The following MAPKBP1 variants were observed in gnomAD, a reference collection of about 807,000 sequenced individuals.
MAPKBP1 encodes mitogen-activated protein kinase binding protein 1.
A neutral mutation model predicts 170.5 loss-of-function variants in MAPKBP1; 71 were observed. That is an observed-to-expected ratio of 0.42 (90% CI 0.34 to 0.51). The LOEUF (loss-of-function observed/expected upper bound fraction) is 0.51, where lower values mean the gene tolerates loss of function less well. Among genes scored for constraint, MAPKBP1 ranks in the 20% least tolerant of loss-of-function variants. The pLI is 0.06. For missense variants in MAPKBP1, 1,598 were observed against 1,933.0 expected, an observed-to-expected ratio of 0.83 and a Z score of 3.25; for synonymous variants, 719 against 757.9, an observed-to-expected ratio of 0.95 and a Z score of 0.84.
chr15:41,788,643 C>T (rs2064341728), intron 2 of MAPKBP1, among the ~76,000 whole-genome samples: 1 of 152,150 alleles, frequency 6.6e-6, no homozygotes. Context: ...AGCTATAAAG[C>T]CCCAAGGCTT....
intron 2 of MAPKBP1, among the ~76,000 whole-genome samples, chr15:41,798,249 CAAA>C (rs1241108889): frequency 1.1e-4 from 6 of 56,948 alleles, no homozygotes; most frequent in Non-Finnish European, 9.5e-5. Flanking sequence ...GACTCTGTCT[CAAA>C]AAAAAAAAAA....
chr15:41,795,133 C>G (rs1176179899), intron 2 of MAPKBP1, among the ~76,000 whole-genome samples: 1 of 149,018 alleles, frequency 6.7e-6, no homozygotes, highest in African/African-American at 2.5e-5. Flanking sequence ...CCACTGCACT[C>G]CAGCCTGGGT....
intron 2 of MAPKBP1, among the ~76,000 whole-genome samples, chr15:41,780,927 T>G (rs561506555): frequency 6.6e-6 from 1 of 152,322 alleles, no homozygotes; most frequent in East Asian, 1.9e-4. Flanking sequence ...GCTTCTTCAT[T>G]GGTCACATTA....
Position 41,814,704 on chromosome 15 carries a change from G to T in MAPKBP1, c.1135G>T (p.Ala379Ser), listed in dbSNP as rs1184934365. 6.2e-7 allele frequency: 1 copy of T among 1,614,234 alleles called. No individual in the cohort carries two copies. The highest frequency in any genetic ancestry group is 1.7e-5 in the Admixed American group (1 of 60,026). ...CAAGAAAGTGGGCAAGGTGTACTCG[G>T]CTCTGTATCATTCTTCCTGCGTCTG... is the stretch of plus-strand genomic sequence containing the variant. ...DPKKVGKVYS[A>S]LYHSSCVWSV... Residue 379 changes from alanine to serine, a missense_variant, in exon 10 of 31, where the codon GCT (alanine) becomes TCT (serine). This residue lies in a region of MAPKBP1 where 430 missense variants were observed against 617.2 expected (regional missense o/e 0.70). Coordinates refer to ENST00000457542, the MANE Select transcript of MAPKBP1 (RefSeq NM_014994.3).
chr15:41,775,648 T>C (rs951840475), intron 2 of MAPKBP1, among the ~76,000 whole-genome samples: 29 of 152,368 alleles, frequency 1.9e-4, no homozygotes, highest in African/African-American at 6.7e-4. Context: ...CACTATACAC[T>C]AAGCATGTGC....
chr15:41,809,019 T>C (rs2064755588), intron 3 of MAPKBP1, among the ~76,000 whole-genome samples: 1 of 138,606 alleles, frequency 7.2e-6, no homozygotes. Flanking sequence ...GGAGCTGTGA[T>C]GGTGCCATGG....
chr15:41,817,514 C>T lies in MAPKBP1; in HGVS notation c.1782+56C>T. ...GGGACAGGGCGGGGTCTGCCATTCCCTGCCTAAGGTTACAAGAGGTGAAGG... is the reference window on the plus strand; with the variant it reads ...GGGACAGGGCGGGGTCTGCCATTCCTTGCCTAAGGTTACAAGAGGTGAAGG... On this transcript the variant is annotated intron_variant, in intron 15 of 30. Transcript: ENST00000457542. This position sits in a 1 kb window ranked among gnomAD's most constrained non-coding sequence, Gnocchi z 4.2. 1.2e-6 allele frequency: 2 copies of T among 1,613,850 alleles called. No homozygotes were observed. Among genetic ancestry groups the T allele is most frequent in the Non-Finnish European group, 1.7e-6 (2 of 1,179,792 alleles).
At position 41,814,472 on chromosome 15, in the gene MAPKBP1, A is replaced by G. The variant is rs867774805; in HGVS notation, c.981-78A>G. 8.3e-6 allele frequency: 12 copies of G among 1,438,828 alleles called. No individual in the cohort carries two copies. In the Middle Eastern group the frequency reaches 1.6e-3, roughly 187 times the overall value. The allele number at this position is 1,438,828 out of a possible 1,614,324, so 89.1% of individuals were successfully genotyped here. ...CAGGTCCAGGGAGGGCTCCTCACACACTGCTCCTTCCATTGTGGATTGGCT... is the reference window on the plus strand; with the variant it reads ...CAGGTCCAGGGAGGGCTCCTCACACGCTGCTCCTTCCATTGTGGATTGGCT... On this transcript the variant is annotated intron_variant, in intron 9 of 30. Coordinates refer to ENST00000457542, the MANE Select transcript of MAPKBP1 (RefSeq NM_014994.3).
Position 41,824,018 on chromosome 15 carries a change from C to T in MAPKBP1, c.4170C>T (p.Pro1390=). The T allele has an allele frequency of 6.2e-7, 1 of 1,611,002 alleles. No homozygotes were observed. The highest frequency in any genetic ancestry group is 8.5e-7 in the Non-Finnish European group (1 of 1,179,930). ...CACCCCCTGAGAAGACTCCCAACCC[C>T]ATGGAATGCACCAAGCCAGGGGCAG... ...QPPPPEKTPN[P]MECTKPGAAL... The change falls in exon 29 of 31, where the codon CCC becomes CCT. Residue 1390 remains proline (P), a synonymous_variant. Coordinates refer to ENST00000457542, the MANE Select transcript of MAPKBP1 (RefSeq NM_014994.3).
chr15:41,797,695 T>G (rs1266568412), intron 2 of MAPKBP1, among the ~76,000 whole-genome samples: 1 of 152,182 alleles, frequency 6.6e-6, no homozygotes, highest in Non-Finnish European at 1.5e-5. Context: ...GTGCCTCAGA[T>G]CGGCGCAAGG....
At position 41,816,912 on chromosome 15, in the gene MAPKBP1, C is replaced by G; in HGVS notation, c.1588C>G (p.Leu530Val). ...TGATGGAGTTCTTTCATCCCCAGGT[C>G]TGAAACTGCTAGCATCGGCGAGCCG... ...CLEYSKPDTG[L>V]KLLASASRDR... Residue 530 changes from leucine (L) to valine (V), a missense_variant and splice_region_variant, in exon 14 of 31, where the codon CTG (leucine) becomes GTG (valine). Leu to Val is a conservative substitution (Grantham distance 32, BLOSUM62 1). Around this residue, in one of 6 missense-constraint regions of MAPKBP1, gnomAD observed 430 missense variants for 617.2 expected, o/e 0.70. Transcript: ENST00000457542. 1.2e-6 allele frequency: 2 copies of G among 1,605,634 alleles called. No individual in the cohort carries two copies. The highest frequency in any genetic ancestry group is 1.7e-6 in the Non-Finnish European group (2 of 1,174,888).
In MAPKBP1 at chr15:41,822,921, C is replaced by CGAG. The variant is rs756249896; in HGVS notation, c.3315-18_3315-17insGAG. 1 of 1,587,448 alleles carries CGAG rather than the reference C, an allele frequency of 6.3e-7. No homozygotes were observed. The highest frequency in any genetic ancestry group is 1.3e-5 in the African/African-American group (1 of 74,544). On this transcript the variant is annotated splice_polypyrimidine_tract_variant and intron_variant, in intron 27 of 30. Transcript: ENST00000457542. ...ATTGAGCCTTCTCTGGGCCTTCTCCCACATGTTCTCCCTGTAGGGAACCAT... is the reference window on the plus strand; with the variant it reads ...ATTGAGCCTTCTCTGGGCCTTCTCCCGAGACATGTTCTCCCTGTAGGGAACCAT...
intron 27 of MAPKBP1, 66 bp downstream of exon 27, chr15:41,822,743 C>G (rs1231693450): frequency 1.3e-6 from 2 of 1,569,640 alleles, no homozygotes; most frequent in African/African-American, 2.7e-5. Flanking sequence ...CTGCTGCCCT[C>G]TCCTCTCCAG....
rs754539553 is a variant in MAPKBP1 at position 41,823,998 on chromosome 15, C to T, written c.4150C>T (p.Pro1384Ser). 2.2e-5 allele frequency: 36 copies of T among 1,613,052 alleles called. No homozygotes were observed. Among genetic ancestry groups the T allele is most frequent in the Non-Finnish European group, 3.1e-5 (36 of 1,180,028 alleles). The change falls in exon 29 of 31, where the codon CCT becomes TCT. Residue 1384 changes from proline (P) to serine (S), a missense_variant. This residue lies in a region of MAPKBP1 where 942 missense variants were observed against 953.2 expected (regional missense o/e 0.99). Coordinates refer to ENST00000457542, the MANE Select transcript of MAPKBP1 (RefSeq NM_014994.3). ...CCCTGAAAACTTGCAGCCCCCACCCCCTGAGAAGACTCCCAACCCCATGGA... is the reference window on the plus strand; with the variant it reads ...CCCTGAAAACTTGCAGCCCCCACCCTCTGAGAAGACTCCCAACCCCATGGA... ...QGPENLQPPPPEKTPNPMECT... is the reference protein window; with the variant it reads ...QGPENLQPPPSEKTPNPMECT...
intron 2 of MAPKBP1, among the ~76,000 whole-genome samples, chr15:41,790,181 C>T (rs1020936443): frequency 6.6e-6 from 1 of 152,152 alleles, no homozygotes; most frequent in Non-Finnish European, 1.5e-5. Flanking sequence ...ACCTTTTGTA[C>T]CCCCGGTGCG....
chr15:41,817,491 G>GC lies in MAPKBP1; in HGVS notation c.1782+33_1782+34insC. On this transcript the variant is annotated intron_variant, in intron 15 of 30. Coordinates refer to ENST00000457542, the MANE Select transcript of MAPKBP1 (RefSeq NM_014994.3). The surrounding 1 kb of genome is among the most constrained non-coding windows in gnomAD (Gnocchi z 4.2). Reference sequence around the variant, plus strand: ...CGCTGGGCTTTCCTGAGAGGGGCGGGACAGGGCGGGGTCTGCCATTCCCTG... The same window carrying GC: ...CGCTGGGCTTTCCTGAGAGGGGCGGGCACAGGGCGGGGTCTGCCATTCCCTG... 2 of 807,506 alleles carry GC rather than the reference G, an allele frequency of 2.5e-6. No homozygotes were observed. The highest frequency in any genetic ancestry group is 4.1e-6 in the Non-Finnish European group (2 of 492,286). 50.0% of individuals were successfully genotyped at this position (807,506 alleles called of 1,614,324 possible). A position where few individuals can be genotyped will look rare whatever the true frequency, so the allele number is the denominator to read the frequency against.
At position 41,825,591 on chromosome 15, in the gene MAPKBP1, C is replaced by T; in HGVS notation, c.*155C>T. 1.7e-6 allele frequency: 1 copy of T among 594,328 alleles called. No homozygotes were observed. Among genetic ancestry groups the T allele is most frequent in the South Asian group, 2.3e-5 (1 of 43,976 alleles). The allele number at this position is 594,328 out of a possible 1,614,324, so 36.8% of individuals were successfully genotyped here. On this transcript the variant is annotated 3_prime_UTR_variant, in exon 31 of 31. Coordinates refer to ENST00000457542, the MANE Select transcript of MAPKBP1 (RefSeq NM_014994.3). Reference sequence around the variant, plus strand: ...CTTCCCAGCCGCTCCTCGTGGGGGGCCTGTATTTATTAATTTATTTCCCTG... The same window carrying T: ...CTTCCCAGCCGCTCCTCGTGGGGGGTCTGTATTTATTAATTTATTTCCCTG...
rs968820973 is a variant in MAPKBP1 at position 41,810,620 on chromosome 15, A to G, written c.207-263A>G. 2.1e-5 allele frequency: 9 copies of G among 425,558 alleles called. No individual in the cohort carries two copies. The East Asian group carries it at 3.3e-4, about 16-fold the overall frequency. The allele number at this position is 425,558 out of a possible 1,614,324, so 26.4% of individuals were successfully genotyped here. ...TGTGGTTCCAGCTACTAGGGAGGCT[A>G]AGGTGGGAGGATTGCTTGAACCTGC... On this transcript the variant is annotated intron_variant, in intron 3 of 30. Coordinates refer to ENST00000457542, the MANE Select transcript of MAPKBP1 (RefSeq NM_014994.3).
At position 41,819,303 on chromosome 15, in the gene MAPKBP1, G is replaced by A. The variant is rs2064946000; in HGVS notation, c.2349G>A (p.Lys783=). The change falls in exon 21 of 31, where the codon AAG becomes AAA. Residue 783 remains lysine (K), a synonymous_variant. Transcript: ENST00000457542. ...CGGCTCTCTCATCAGACAGTGACAA[G>A]GAGGGAGAAGATGAGGGGACTGAAG... ...PGPALSSDSD[K]EGEDEGTEEE... is the part of the protein sequence containing the mutation. The A allele has an allele frequency of 5.0e-6, 8 of 1,614,078 alleles. No individual in the cohort carries two copies. The highest frequency in any genetic ancestry group is 6.8e-6 in the Non-Finnish European group (8 of 1,180,024).
Sources: gnomAD v4.1 joint callset for allele counts (sites outside exome capture counted in the v4.1 genomes callset) on GRCh38, gnomAD v4.1.1 for gene constraint, gnomAD v4.1.1 regional missense constraint, Gnocchi (gnomAD v3.1) non-coding constraint, MANE v1.5 for transcripts, NCBI Gene and HGNC (gene_info 2026-07-23, HGNC 2026-07-21) for gene names.